Variants in SGCZ observed in about 807,000 individuals in gnomAD.
SGCZ encodes the protein zeta-sarcoglycan.
SGCZ carries 40 observed loss-of-function variants against 41.3 expected under a neutral mutation model. That is an observed-to-expected ratio of 0.97 (90% CI 0.75 to 1.26). The LOEUF (loss-of-function observed/expected upper bound fraction) is 1.26. SGCZ is among the 50% of genes most tolerant of loss of function. The pLI, the probability that SGCZ is intolerant of heterozygous loss-of-function variation, is 0.00. For synonymous variants in SGCZ, 206 were observed against 137.5 expected, an observed-to-expected ratio of 1.50 and a Z score of -3.49; for missense variants, 552 against 369.8, an observed-to-expected ratio of 1.49 and a Z score of -4.04.
chr8:14,759,142 C>G (rs2130347790), intron 1 of SGCZ, among the ~76,000 whole-genome samples: 1 of 151,988 alleles, frequency 6.6e-6, no homozygotes, highest in East Asian at 1.9e-4. Flanking sequence ...AAGAAGCTTC[C>G]AGAAAGTATA....
intron 2 of SGCZ, among the ~76,000 whole-genome samples, chr8:14,409,811 T>C (rs190352120): frequency 3.0e-4 from 46 of 152,314 alleles, no homozygotes; most frequent in African/African-American, 8.9e-4. Flanking sequence ...TTTGAAAATA[T>C]TGCTTTCCTA....
rs145555540 is a variant in SGCZ, at chr8:14,188,824, GT to G, written c.425-24123del. ...TTTTTTTTTGTTTGTTTGTTTCTTT[GT>G]TTTTTTTTGTTTGTTTGTTTTTTGA... On this transcript the variant is annotated intron_variant, in intron 4 of 7. Coordinates refer to ENST00000382080, the MANE Select transcript of SGCZ (RefSeq NM_139167.4). Among the ~76,000 whole-genome samples, 55 of 62,372 alleles carry G rather than the reference GT, an allele frequency of 8.8e-4. 1 individual carries two copies. The highest frequency in any genetic ancestry group is 5.3e-3 in the African/African-American group (44 of 8,268). The allele number at this position is 62,372 out of a possible 152,430, so 40.9% of individuals were successfully genotyped here.
intron 1 of SGCZ, among the ~76,000 whole-genome samples, chr8:14,578,090 A>G (rs1438564329): frequency 6.6e-6 from 1 of 152,202 alleles, no homozygotes; most frequent in East Asian, 1.9e-4. Context: ...TTGAACATTG[A>G]GGCCTATTTT....
At chr8:14,479,319 G>T (rs1801454781) in intron 2 of SGCZ, among the ~76,000 whole-genome samples, 1 of 152,242 alleles carries the variant, frequency 6.6e-6, no homozygotes, top group African/African-American at 2.4e-5. Flanking sequence ...CAGCACGGGA[G>T]AAAAATAGAG....
chr8:14,793,886 G>A (rs530457718), intron 1 of SGCZ, among the ~76,000 whole-genome samples: 2 of 152,214 alleles, frequency 1.3e-5, no homozygotes, highest in African/African-American at 4.8e-5. Context: ...GAGAAATGAT[G>A]AATATATGCT....
At chr8:15,171,161 G>A (rs943137184) in intron 1 of SGCZ, among the ~76,000 whole-genome samples, 2 of 152,146 alleles carry the variant, frequency 1.3e-5, no homozygotes, top group East Asian at 1.9e-4. Context: ...GATATAATCT[G>A]CTACCTACTC....
chr8:14,430,873 A>G (rs1023205063), intron 2 of SGCZ, among the ~76,000 whole-genome samples: 10 of 152,206 alleles, frequency 6.6e-5, no homozygotes, highest in African/African-American at 2.4e-4. Context: ...TAATGTACAC[A>G]AATCAGTAGC....
intron 1 of SGCZ, among the ~76,000 whole-genome samples, chr8:14,802,628 C>A (rs561976449): frequency 1.1e-4 from 17 of 152,210 alleles, no homozygotes; most frequent in Non-Finnish European, 2.4e-4. Context: ...GAGAGAGAAA[C>A]ACACAAATAT....
chr8:14,246,641 C>T (rs1799102221), intron 3 of SGCZ, among the ~76,000 whole-genome samples: 1 of 151,282 alleles, frequency 6.6e-6, no homozygotes, highest in Non-Finnish European at 1.5e-5. Context: ...GGCATGGCGG[C>T]TGAAGCCTGT....
intron 4 of SGCZ, among the ~76,000 whole-genome samples, chr8:14,230,251 C>G (rs150712891): frequency 9.2e-5 from 14 of 152,134 alleles, no homozygotes; most frequent in South Asian, 6.2e-4. Flanking sequence ...GCAAAACAGA[C>G]TCATTTCATA....
chr8:14,635,658 A>G, intron 1 of SGCZ, among the ~76,000 whole-genome samples: 1 of 151,690 alleles, frequency 6.6e-6, no homozygotes, highest in East Asian at 1.9e-4. Flanking sequence ...TTTGTCCAAC[A>G]TATTCATACT....
intron 3 of SGCZ, among the ~76,000 whole-genome samples, chr8:14,270,620 C>G (rs907715598): frequency 6.6e-6 from 1 of 152,044 alleles, no homozygotes; most frequent in African/African-American, 2.4e-5. Context: ...TTGTGTGAAG[C>G]CTATACCTTT....
At chr8:14,190,763 C>A (rs903750574) in intron 4 of SGCZ, among the ~76,000 whole-genome samples, 5 of 151,834 alleles carry the variant, frequency 3.3e-5, no homozygotes, top group African/African-American at 1.2e-4. Context: ...CCACCACGCC[C>A]GGCTAATTTT....
At chr8:14,734,897 G>C (rs1418835211) in intron 1 of SGCZ, among the ~76,000 whole-genome samples, 1 of 152,058 alleles carries the variant, frequency 6.6e-6, no homozygotes. Flanking sequence ...GATAACGTTA[G>C]TTTTCTCTTG....
At chr8:14,617,242 AT>A (rs1411154232) in intron 1 of SGCZ, among the ~76,000 whole-genome samples, 2 of 152,182 alleles carry the variant, frequency 1.3e-5, no homozygotes, top group African/African-American at 4.8e-5. Flanking sequence ...TACTTAGCAT[AT>A]TCATATTTAT....
rs185614940 is a variant in SGCZ, at chr8:14,750,433, T to C, written c.40-195507A>G. ...TGCAAGCATAGGAAGGGACAATTTTTCCTCCCATTTCTGCCTTAATAGGTA... is the reference window on the plus strand; with the variant it reads ...TGCAAGCATAGGAAGGGACAATTTTCCCTCCCATTTCTGCCTTAATAGGTA... On this transcript the variant is annotated intron_variant, in intron 1 of 7. Transcript: ENST00000382080. Among the ~76,000 whole-genome samples, 52 of 152,302 alleles carry C rather than the reference T, an allele frequency of 3.4e-4. No individual in the cohort carries two copies. In the East Asian group the frequency reaches 8.9e-3, roughly 26 times the overall value.
At chr8:14,645,478 T>TTTATATATATATATATATATA (rs1554472104) in intron 1 of SGCZ, among the ~76,000 whole-genome samples, 1 of 106,594 alleles carries the variant, frequency 9.4e-6, no homozygotes, top group South Asian at 3.0e-4. Flanking sequence ...ATATATATAT[T>TTTATATATATATATATATATA]TATATGTATA....
At chr8:14,419,836 T>C (rs1799591353) in intron 2 of SGCZ, among the ~76,000 whole-genome samples, 1 of 152,074 alleles carries the variant, frequency 6.6e-6, no homozygotes, top group Non-Finnish European at 1.5e-5. Context: ...TACGGAATAC[T>C]GAATTTGCTG....
intron 1 of SGCZ, among the ~76,000 whole-genome samples, chr8:15,216,060 A>G (rs2117171621): frequency 6.6e-6 from 1 of 152,250 alleles, no homozygotes; most frequent in South Asian, 2.1e-4. Context: ...AGCAGCATCC[A>G]GAACATCTCA....
Sources: allele counts gnomAD v4.1 joint callset (sites outside exome capture counted in the v4.1 genomes callset), GRCh38; gene constraint gnomAD v4.1.1; transcripts MANE v1.5; gene names NCBI Gene and HGNC (gene_info 2026-07-23, HGNC 2026-07-21).